The following NELL2 variants were observed in gnomAD, a reference collection of about 807,000 sequenced individuals.
NELL2 encodes neural EGFL like 2, also known as protein kinase C-binding protein NELL2.
In NELL2, 41 loss-of-function variants were observed where a neutral mutation model predicts 109.6. The observed-to-expected ratio is 0.37, with a 90% confidence interval of 0.29 to 0.49. NELL2 has a LOEUF of 0.49. NELL2 is among the 20% of genes least tolerant of loss of function. The pLI is 0.98. For synonymous variants in NELL2, 355 were observed against 344.7 expected (o/e 1.03, Z -0.33); for missense variants, 900 against 1,008.3 (o/e 0.89, Z 1.45).
At chr12:44,813,232 C>T (rs1465403633) in intron 3 of NELL2, among the ~76,000 whole-genome samples, 1 of 152,154 alleles carries the variant, frequency 6.6e-6, no homozygotes, top group Non-Finnish European at 1.5e-5. Context: ...GAACTAATCA[C>T]ATGTAATGCA....
chr12:44,867,413 T>C (rs1272200794), intron 2 of NELL2, among the ~76,000 whole-genome samples: 1 of 152,136 alleles, frequency 6.6e-6, no homozygotes, highest in African/African-American at 2.4e-5. Context: ...AGGAAAACAT[T>C]TGACAAAATT....
In NELL2 at chr12:44,610,963, A is replaced by T. The variant is rs749259964; in HGVS notation, c.1452T>A (p.Asp484Glu). The T allele has an allele frequency of 5.6e-6, 9 of 1,612,368 alleles. No individual in the cohort carries two copies. The highest frequency in any genetic ancestry group is 8.5e-7 in the Non-Finnish European group (1 of 1,178,934). The change falls in exon 14 of 20, where the codon GAT becomes GAA. Residue 484 changes from aspartate to glutamate, a missense_variant. Asp to Glu is a conservative substitution (Grantham distance 45). Around this residue, in one of 4 missense-constraint regions of NELL2, gnomAD observed 333 missense variants for 432.3 expected, o/e 0.77. Transcript: ENST00000429094. ...AGTTGTGCTGATTTGTGATACACTC[A>T]TCATGTTCTGAAATGAGGAATACAA... ...RIDDYSCTEH[D>E]ECITNQHNCD...
chr12:44,580,274 A>G (rs983298362), intron 15 of NELL2, among the ~76,000 whole-genome samples: 1 of 152,158 alleles, frequency 6.6e-6, no homozygotes, highest in African/African-American at 2.4e-5. Flanking sequence ...GAAGATTCAC[A>G]TTGATTCAAG....
intron 13 of NELL2, among the ~76,000 whole-genome samples, chr12:44,615,969 T>C (rs1175721261): frequency 2.6e-5 from 4 of 152,174 alleles, no homozygotes; most frequent in African/African-American, 9.7e-5. Flanking sequence ...CTAGCACCAA[T>C]TGCCCGCACT....
intron 3 of NELL2, among the ~76,000 whole-genome samples, chr12:44,812,912 T>G (rs1943224479): frequency 6.6e-6 from 1 of 152,176 alleles, no homozygotes; most frequent in Non-Finnish European, 1.5e-5. Context: ...ATAATCACAC[T>G]GATGGAAAAG....
At position 44,893,644 on chromosome 12, in the gene NELL2, G is replaced by C. The variant is rs77692080; in HGVS notation, c.39-17744C>G. Among the ~76,000 whole-genome samples the C allele has an allele frequency of 9.5e-3, 1,454 of 152,270 alleles. 21 individuals carry two copies. Among genetic ancestry groups the C allele is most frequent in the African/African-American group, 0.033 (1,359 of 41,550 alleles). ...CAGGCACCTGTTCTGTCTTAAACCA[G>C]ACTGACTATAGGATTTGATGTTAGC... On this transcript the variant is annotated intron_variant, in intron 1 of 20. Transcript: ENST00000333837.
chr12:44,542,811 G>C (rs145890701), intron 15 of NELL2, among the ~76,000 whole-genome samples: 3 of 152,154 alleles, frequency 2.0e-5, no homozygotes, highest in Admixed American at 6.5e-5. Context: ...CTGCACAGAT[G>C]GGGGAGGAGT....
chr12:44,668,518 C>T lies in NELL2; in HGVS notation c.1319-2909G>A, dbSNP rs576772109. On this transcript the variant is annotated intron_variant, in intron 12 of 19. Transcript: ENST00000429094. Reference sequence around the variant, plus strand: ...CACAGCCAGGGCCCAGGTGCACCATCATGGTTCTTGAGAGACCTGTCTCTC... The same window carrying T: ...CACAGCCAGGGCCCAGGTGCACCATTATGGTTCTTGAGAGACCTGTCTCTC... Among the ~76,000 whole-genome samples, 11 of 152,264 alleles carry T rather than the reference C, an allele frequency of 7.2e-5. No homozygotes were observed. In the East Asian group the frequency reaches 1.9e-3, roughly 27 times the overall value.
chr12:44,550,536 T>G (rs1216248680), intron 15 of NELL2, among the ~76,000 whole-genome samples: 1 of 145,718 alleles, frequency 6.9e-6, no homozygotes, highest in Non-Finnish European at 1.5e-5. Flanking sequence ...AGAGTGAGAC[T>G]CCATCTCAAC....
chr12:44,889,908 T>G (rs370024656), intron 1 of NELL2, among the ~76,000 whole-genome samples: 16 of 152,338 alleles, frequency 1.1e-4, no homozygotes, highest in African/African-American at 3.6e-4. Context: ...TTGCTAGTGC[T>G]CAGCTACTGC....
chr12:44,876,173 A>G lies in NELL2; in HGVS notation c.-304T>C. On this transcript the variant is annotated 5_prime_UTR_variant, in exon 1 of 20. Coordinates refer to ENST00000429094, the MANE Select transcript of NELL2 (RefSeq NM_001145108.2). Reference sequence around the variant, plus strand: ...CGCCCCGGCGCGGCTCCGTCGGGGAATTAGCTCCCGAGCCGAATAAAAGCA... The same window carrying G: ...CGCCCCGGCGCGGCTCCGTCGGGGAGTTAGCTCCCGAGCCGAATAAAAGCA... The G allele has an allele frequency of 8.0e-7, 1 of 1,246,142 alleles. No individual in the cohort carries two copies. The highest frequency in any genetic ancestry group is 1.0e-6 in the Non-Finnish European group (1 of 989,888). The allele number at this position is 1,246,142 out of a possible 1,614,324, so 77.2% of individuals were successfully genotyped here. A position where few individuals can be genotyped will look rare whatever the true frequency, so the allele number is the denominator to read the frequency against.
Position 44,808,412 on chromosome 12 carries a change from T to C in NELL2, c.335+7574A>G, listed in dbSNP as rs577866713. 6.4e-4 allele frequency among the ~76,000 whole-genome samples: 97 copies of C among 152,142 alleles called. 1 individual carries two copies. The highest frequency in any genetic ancestry group is 2.2e-3 in the African/African-American group (93 of 41,538). On this transcript the variant is annotated intron_variant, in intron 3 of 19. Transcript: ENST00000429094. Reference sequence around the variant, plus strand: ...ATGTATGCTTGGCTACATTAGAATATATATTGTAACTTTCCTAATAATAAG... The same window carrying C: ...ATGTATGCTTGGCTACATTAGAATACATATTGTAACTTTCCTAATAATAAG...
At chr12:44,679,330 G>C (rs1205178875) in intron 12 of NELL2, among the ~76,000 whole-genome samples, 2 of 152,104 alleles carry the variant, frequency 1.3e-5, no homozygotes, top group African/African-American at 4.8e-5. Flanking sequence ...AGAGTCAAAG[G>C]CTTCAGAGAA....
At chr12:44,892,863 T>G (rs1241211863) in intron 1 of NELL2, among the ~76,000 whole-genome samples, 1 of 148,094 alleles carries the variant, frequency 6.8e-6, no homozygotes, top group African/African-American at 2.5e-5. Flanking sequence ...TCAACATCAG[T>G]AAGGAGCACA....
chr12:44,817,231 A>G (rs1943383582), intron 2 of NELL2, among the ~76,000 whole-genome samples: 2 of 152,208 alleles, frequency 1.3e-5, no homozygotes, highest in South Asian at 2.1e-4. Context: ...AAACATTCCC[A>G]GGGAAGCAAT....
intron 15 of NELL2, among the ~76,000 whole-genome samples, chr12:44,604,793 C>G (rs569461727): frequency 2.0e-5 from 3 of 152,194 alleles, no homozygotes; most frequent in African/African-American, 7.2e-5. Context: ...TTTCTTCAGT[C>G]TGGAGTGATA....
At chr12:44,876,656 CCCAG>C, upstream of NELL2, 1 of 1,551,386 alleles carries the variant, frequency 6.4e-7, no homozygotes. Context: ...AAAAAGACCA[CCCAG>C]CTGCAGGAGG....
chr12:44,658,587 C>A (rs1205628725), intron 13 of NELL2, among the ~76,000 whole-genome samples: 4 of 152,052 alleles, frequency 2.6e-5, no homozygotes, highest in African/African-American at 7.2e-5. Flanking sequence ...TTAGAAAAAA[C>A]TAGTTTAAAT....
intron 14 of NELL2, among the ~76,000 whole-genome samples, chr12:44,610,255 C>CCA (rs1281241987): frequency 5.1e-4 from 64 of 126,448 alleles, no homozygotes; most frequent in African/African-American, 1.3e-3. Flanking sequence ...AAAAAAAAAA[C>CCA]AAAAAAAAAA....
Sources: allele counts gnomAD v4.1 joint callset (sites outside exome capture counted in the v4.1 genomes callset), GRCh38; gene constraint gnomAD v4.1.1; regional missense constraint gnomAD v4.1.1; transcripts MANE v1.5; gene names NCBI Gene and HGNC (gene_info 2026-07-23, HGNC 2026-07-21).